BAIAP2: variants seen among roughly 807,000 people sequenced by gnomAD.
The protein encoded by BAIAP2 is BAR/IMD domain-containing adapter protein 2.
Under a neutral mutation model 63.0 loss-of-function variants are expected in BAIAP2, and 18 were observed. That is an observed-to-expected ratio of 0.29 (90% CI 0.20 to 0.42). BAIAP2 has a LOEUF of 0.42. Among genes scored for constraint, BAIAP2 ranks in the 10% least tolerant of loss-of-function variants. The pLI is 1.00. For missense variants in BAIAP2, 610 were observed against 734.3 expected (o/e 0.83, Z 1.96); for synonymous variants, 386 against 307.6 (o/e 1.25, Z -2.67).
At chr17:81,110,113 C>T (rs531866215) in intron 13 of BAIAP2, 2 of 985,352 alleles carry the variant, frequency 2.0e-6, no homozygotes, top group South Asian at 4.7e-5. Context: ...CCCGGCTCAG[C>T]CTGCCCGCTG....
chr17:81,088,218 G>A (rs1005732308), intron 6 of BAIAP2, among the ~76,000 whole-genome samples: 5 of 152,128 alleles, frequency 3.3e-5, no homozygotes, highest in African/African-American at 9.7e-5. Flanking sequence ...CCGAGGCCAG[G>A]TGTGAGAGCT....
intron 1 of BAIAP2, 40 bp from the exon 2 acceptor site, chr17:81,053,628 C>G: frequency 6.2e-7 from 1 of 1,611,006 alleles, no homozygotes; most frequent in Non-Finnish European, 8.5e-7. Context: ...ACCAGGGTGA[C>G]CTCTGCCAGT....
Position 81,035,574 on chromosome 17 carries a change from C to G in BAIAP2, c.54+266C>G, listed in dbSNP as rs2046116697. On this transcript the variant is annotated intron_variant, in intron 1 of 13. Transcript: ENST00000428708. ...CCCGGTCAGTCCCCAGCCCCAGGCC[C>G]GGGGAGCACTCCCCGCTCCGACGGC... 2.0e-5 allele frequency among the ~76,000 whole-genome samples: 3 copies of G among 150,248 alleles called. No homozygotes were observed. The South Asian group carries it at 6.2e-4, about 31-fold the overall frequency.
intron 10 of BAIAP2, chr17:81,105,326 C>T (rs1006042797): frequency 1.9e-5 from 3 of 155,370 alleles, no homozygotes; most frequent in Admixed American, 1.3e-4. Context: ...CACACGTGTA[C>T]ACACTCAGCA....
At chr17:81,060,444 C>T (rs139302532) in intron 3 of BAIAP2, among the ~76,000 whole-genome samples, 69 of 152,276 alleles carry the variant, frequency 4.5e-4, no homozygotes, top group African/African-American at 1.3e-3. Context: ...TGGAGTCATA[C>T]GGTGTGTGAC....
intron 3 of BAIAP2, among the ~76,000 whole-genome samples, chr17:81,081,668 G>T (rs769914209): frequency 5.3e-5 from 8 of 152,166 alleles, no homozygotes; most frequent in African/African-American, 1.4e-4. Context: ...AGTGAGCCTG[G>T]GGTAGGGCCC....
intron 1 of BAIAP2, chr17:81,037,036 A>G: frequency 7.6e-7 from 1 of 1,313,750 alleles, no homozygotes; most frequent in Non-Finnish European, 1.1e-6. Flanking sequence ...CTAACCGGGC[A>G]GTAGGCCTTC....
In BAIAP2 at chr17:81,117,074, GCCTGCAGGAAGGGAGA is replaced by G. The variant is rs1185389226; in HGVS notation, c.*1244_*1259del. 6.6e-6 allele frequency: 1 copy of G among 152,264 alleles called. No individual in the cohort carries two copies. Among genetic ancestry groups the G allele is most frequent in the African/African-American group, 2.4e-5 (1 of 41,462 alleles). 9.4% of individuals were successfully genotyped at this position (152,264 alleles called of 1,614,324 possible). Reference sequence around the variant, plus strand: ...CACCCGTCCCTACCAGGCCAACTCGGCCTGCAGGAAGGGAGACCTGCAGGGCGCTACCCCTGCGCCC... The same window carrying G: ...CACCCGTCCCTACCAGGCCAACTCGGCCTGCAGGGCGCTACCCCTGCGCCC... On this transcript the variant is annotated 3_prime_UTR_variant, in exon 14 of 14. Transcript: ENST00000428708.
At chr17:81,104,480 G>A in intron 9 of BAIAP2, 34 bp from the exon 10 acceptor site, 1 of 1,558,796 alleles carries the variant, frequency 6.4e-7, no homozygotes, top group South Asian at 1.2e-5. Flanking sequence ...CGCCAGCCAG[G>A]GGCAGTCCCC....
chr17:81,061,858 G>C (rs1464686017), intron 3 of BAIAP2, among the ~76,000 whole-genome samples: 2 of 152,140 alleles, frequency 1.3e-5, no homozygotes, highest in African/African-American at 4.8e-5. Context: ...AGAGTCCTCT[G>C]TATACTCTAG....
At position 81,108,971 on chromosome 17, in the gene BAIAP2, C is replaced by T. The variant is rs1284410090; in HGVS notation, c.1535+462C>T. On this transcript the variant is annotated intron_variant, in intron 13 of 13. Transcript: ENST00000428708. ...CGTCCTGTGCTTTGTTTCACAGTGG[C>T]AGCGGCACGCTGGTGTCCACAGTGT... The T allele has an allele frequency of 6.5e-6, 10 of 1,548,348 alleles. No homozygotes were observed. The South Asian group carries it at 1.2e-4, about 18-fold the overall frequency.
At chr17:81,054,621 G>A (rs901387669) in intron 2 of BAIAP2, among the ~76,000 whole-genome samples, 4 of 152,206 alleles carry the variant, frequency 2.6e-5, no homozygotes, top group Non-Finnish European at 4.4e-5. Flanking sequence ...GGATGAAGCT[G>A]TTGGTAACTG....
intron 1 of BAIAP2, among the ~76,000 whole-genome samples, chr17:81,052,934 CT>C (rs2048900079): frequency 6.6e-6 from 1 of 152,190 alleles, no homozygotes; most frequent in South Asian, 2.1e-4. Flanking sequence ...GCTGGAGCTG[CT>C]CCCTGGGCCC....
chr17:81,037,208 G>A (rs1017855136), intron 1 of BAIAP2, among the ~76,000 whole-genome samples: 4 of 152,248 alleles, frequency 2.6e-5, no homozygotes, highest in Non-Finnish European at 4.4e-5. Context: ...TCCACGGGTG[G>A]GTTAATTGGT....
At chr17:81,109,223 G>A (rs2059578398) in intron 13 of BAIAP2, 1 of 1,378,644 alleles carries the variant, frequency 7.3e-7, no homozygotes. Flanking sequence ...CATCCTGTGT[G>A]TCCCAGCCTT....
At chr17:81,113,621 A>AC (rs1353050976) in intron 13 of BAIAP2, among the ~76,000 whole-genome samples, 3 of 141,932 alleles carry the variant, frequency 2.1e-5, no homozygotes, top group African/African-American at 7.7e-5. Context: ...ATCCCCGCCG[A>AC]CCCCCCTGCC....
chr17:81,055,574 G>GTT (rs1555657874), intron 2 of BAIAP2, among the ~76,000 whole-genome samples: 1 of 123,406 alleles, frequency 8.1e-6, no homozygotes, highest in Non-Finnish European at 1.7e-5. Context: ...AGGGTGTTTT[G>GTT]TTTTTTTTTG....
At position 81,095,287 on chromosome 17, in the gene BAIAP2, G is replaced by A. The variant is rs543154211; in HGVS notation, c.490-4641G>A. 2.1e-3 allele frequency among the ~76,000 whole-genome samples: 315 copies of A among 152,298 alleles called. 1 individual carries two copies. Among genetic ancestry groups the A allele is most frequent in the Non-Finnish European group, 2.9e-3 (200 of 68,014 alleles). Reference sequence around the variant, plus strand: ...CCAGGTAGGAGGTACAGACCAGGCCGTGCTCTGTCCCCTGCACTTTCCACA... The same window carrying A: ...CCAGGTAGGAGGTACAGACCAGGCCATGCTCTGTCCCCTGCACTTTCCACA... On this transcript the variant is annotated intron_variant, in intron 6 of 13. Coordinates refer to ENST00000428708, the MANE Select transcript of BAIAP2 (RefSeq NM_001144888.2).
At chr17:81,088,660 C>T (rs897292026) in intron 6 of BAIAP2, among the ~76,000 whole-genome samples, 6 of 152,198 alleles carry the variant, frequency 3.9e-5, no homozygotes, top group African/African-American at 1.2e-4. Flanking sequence ...TAAAGCTCAT[C>T]GTGCCGTAGC....
Sources: allele counts gnomAD v4.1 joint callset (sites outside exome capture counted in the v4.1 genomes callset), GRCh38; gene constraint gnomAD v4.1.1; transcripts MANE v1.5; gene names NCBI Gene and HGNC (gene_info 2026-07-23, HGNC 2026-07-21).